Variants in SLC22A23 observed in about 807,000 individuals in gnomAD.
SLC22A23 encodes ion transporter protein.
In SLC22A23, 26 loss-of-function variants were observed where a neutral mutation model predicts 61.0. The ratio of observed to expected loss-of-function variants is 0.43; its 90% confidence interval spans 0.31 to 0.59. The LOEUF is 0.59. Among genes scored for constraint, SLC22A23 ranks in the 20% least tolerant of loss-of-function variants. The probability of loss-of-function intolerance (pLI) is 0.11; values close to 1 mark genes in which losing one functional copy is unlikely to be tolerated. For missense variants in SLC22A23, 796 were observed against 934.7 expected (o/e 0.85, Z 1.94); for synonymous variants, 430 against 413.9 (o/e 1.04, Z -0.47).
intron 4 of SLC22A23, among the ~76,000 whole-genome samples, chr6:3,299,507 T>A (rs553954582): frequency 1.3e-5 from 2 of 152,224 alleles, no homozygotes; most frequent in African/African-American, 4.8e-5. Context: ...AGAATCTTTT[T>A]CTTTTTTTAA....
At chr6:3,381,482 C>A (rs1408486188) in intron 3 of SLC22A23, among the ~76,000 whole-genome samples, 2 of 152,164 alleles carry the variant, frequency 1.3e-5, no homozygotes, top group Non-Finnish European at 2.9e-5. Flanking sequence ...GTTTCAGGAC[C>A]AGTCCCCAAT....
rs143269061 is a variant in SLC22A23, at chr6:3,306,127, G to A, written c.1083-7909C>T. 1.6e-4 allele frequency among the ~76,000 whole-genome samples: 24 copies of A among 152,288 alleles called. No individual in the cohort carries two copies. In the East Asian group the frequency reaches 3.7e-3, roughly 23 times the overall value. On this transcript the variant is annotated intron_variant, in intron 4 of 9. Transcript: ENST00000406686. ...AGGGCAAGGGGAGCTGGCATGTCAC[G>A]GGGTGAGAAAAGGGGCAATAGAAGG...
Position 3,410,391 on chromosome 6 carries a change from T to G in SLC22A23, c.759-49A>C, listed in dbSNP as rs1335565682. ...TAGGAATCATTGTGAAACAAGACAA[T>G]GACGCTAGATGCTGAAACCCGGTGT... On this transcript the variant is annotated intron_variant, in intron 2 of 9. Transcript: ENST00000406686. This position sits in a 1 kb window ranked among gnomAD's most constrained non-coding sequence, Gnocchi z 5.0. The G allele has an allele frequency of 5.3e-6, 8 of 1,516,434 alleles. No individual in the cohort carries two copies. The East Asian group carries it at 2.0e-4, about 37-fold the overall frequency. The allele number at this position is 1,516,434 out of a possible 1,614,324, so 93.9% of individuals were successfully genotyped here. A position where few individuals can be genotyped will look rare whatever the true frequency, so the allele number is the denominator to read the frequency against.
At chr6:3,307,634 C>T (rs1762076154) in intron 4 of SLC22A23, among the ~76,000 whole-genome samples, 1 of 152,122 alleles carries the variant, frequency 6.6e-6, no homozygotes, top group Non-Finnish European at 1.5e-5. Context: ...TCAGCGAGAG[C>T]TGCTCAGGAA....
intron 3 of SLC22A23, among the ~76,000 whole-genome samples, chr6:3,393,775 C>T (rs11242854): frequency 6.6e-6 from 1 of 152,190 alleles, no homozygotes; most frequent in East Asian, 1.9e-4. Context: ...AGCTTCTCAG[C>T]GGGTAATTAT....
At chr6:3,343,647 T>A (rs1034467400) in intron 3 of SLC22A23, among the ~76,000 whole-genome samples, 8 of 152,222 alleles carry the variant, frequency 5.3e-5, no homozygotes, top group Non-Finnish European at 1.0e-4. Flanking sequence ...AATTAAATAC[T>A]CAGCAGCCGG....
At chr6:3,429,241 G>A (rs1770701345) in intron 1 of SLC22A23, among the ~76,000 whole-genome samples, 1 of 152,126 alleles carries the variant, frequency 6.6e-6, no homozygotes, top group African/African-American at 2.4e-5. Flanking sequence ...AAGAACCAGA[G>A]GAATGTTTTT....
In SLC22A23 at chr6:3,373,044, C is replaced by T. The variant is rs533663809; in HGVS notation, c.913+37144G>A. Among the ~76,000 whole-genome samples, 7 of 152,284 alleles carry T rather than the reference C, an allele frequency of 4.6e-5. No homozygotes were observed. In the South Asian group the frequency reaches 1.2e-3, roughly 27 times the overall value. On this transcript the variant is annotated intron_variant, in intron 3 of 9. Transcript: ENST00000406686. ...GGCTGGCATCTGGGAAGTTGGATTC[C>T]GAAGGGTTAACACTGTCCCCTAACT...
At chr6:3,398,497 G>A (rs1473357740) in intron 3 of SLC22A23, among the ~76,000 whole-genome samples, 1 of 144,144 alleles carries the variant, frequency 6.9e-6, no homozygotes, top group East Asian at 2.0e-4. Flanking sequence ...CAAAAGCCCT[G>A]TGGAAGGAAA....
chr6:3,432,198 T>C, intron 1 of SLC22A23: 1 of 985,408 alleles, frequency 1.0e-6, no homozygotes, highest in Non-Finnish European at 1.2e-6. Flanking sequence ...AGCCCAGTGC[T>C]CCTTGCCCAC....
chr6:3,384,278 C>T (rs1767141376), intron 3 of SLC22A23, among the ~76,000 whole-genome samples: 1 of 152,216 alleles, frequency 6.6e-6, no homozygotes, highest in South Asian at 2.1e-4. Context: ...AATCTCCTAT[C>T]ATACGTCTGC....
chr6:3,389,842 A>G (rs962574866), intron 3 of SLC22A23, among the ~76,000 whole-genome samples: 1 of 152,194 alleles, frequency 6.6e-6, no homozygotes, highest in Non-Finnish European at 1.5e-5. Flanking sequence ...GCTGCTTGGA[A>G]TCCACTGCAC....
chr6:3,333,114 C>A lies in SLC22A23; in HGVS notation c.914-9112G>T, dbSNP rs901174675. Among the ~76,000 whole-genome samples, 9 of 152,178 alleles carry A rather than the reference C, an allele frequency of 5.9e-5. No individual in the cohort carries two copies. Among genetic ancestry groups the A allele is most frequent in the African/African-American group, 1.9e-4 (8 of 41,428 alleles). ...GAGCAAAGCGGCGGCGCCTCAGCCT[C>A]CCATCCTAGAGTTGTTCACCAACAT... On this transcript the variant is annotated intron_variant, in intron 3 of 9. Coordinates refer to ENST00000406686, the MANE Select transcript of SLC22A23 (RefSeq NM_015482.2). This position sits in a 1 kb window ranked among gnomAD's most constrained non-coding sequence, Gnocchi z 4.1.
intron 3 of SLC22A23, among the ~76,000 whole-genome samples, chr6:3,348,168 C>T (rs1256139707): frequency 6.6e-6 from 1 of 152,146 alleles, no homozygotes; most frequent in East Asian, 1.9e-4. Context: ...TTCTTCAGTC[C>T]CAACCCTCTA....
At chr6:3,313,527 T>C (rs1366717599) in intron 4 of SLC22A23, 1 of 152,234 alleles carries the variant, frequency 6.6e-6, no homozygotes, top group Non-Finnish European at 1.5e-5. Context: ...TTGCTGTAAC[T>C]GAATTCAGTT....
At chr6:3,347,180 C>T (rs1764489374) in intron 3 of SLC22A23, among the ~76,000 whole-genome samples, 1 of 152,238 alleles carries the variant, frequency 6.6e-6, no homozygotes, top group Non-Finnish European at 1.5e-5. Context: ...TGCAGCCACG[C>T]CACTCATGGA....
intron 3 of SLC22A23, among the ~76,000 whole-genome samples, chr6:3,341,600 A>G (rs1764157048): frequency 6.6e-6 from 1 of 152,220 alleles, no homozygotes; most frequent in Non-Finnish European, 1.5e-5. Context: ...TTCAAATGTA[A>G]ATGCTGTGAT....
At chr6:3,336,751 ATGTGTTCAGC>A (rs1763881140) in intron 3 of SLC22A23, among the ~76,000 whole-genome samples, 1 of 151,874 alleles carries the variant, frequency 6.6e-6, no homozygotes, top group African/African-American at 2.4e-5. Flanking sequence ...TTATTACCCA[ATGTGTTCAGC>A]TAAGAAATTG....
At chr6:3,336,592 C>T (rs1412006551) in intron 3 of SLC22A23, among the ~76,000 whole-genome samples, 3 of 152,340 alleles carry the variant, frequency 2.0e-5, no homozygotes, top group South Asian at 4.1e-4. Flanking sequence ...GCCACAGCAG[C>T]GAGCTCCTTG....
Sources: gnomAD v4.1 joint callset for allele counts (sites outside exome capture counted in the v4.1 genomes callset) on GRCh38, gnomAD v4.1.1 for gene constraint, Gnocchi (gnomAD v3.1) non-coding constraint, MANE v1.5 for transcripts, NCBI Gene and HGNC (gene_info 2026-07-23, HGNC 2026-07-21) for gene names.